Variants in TBL1XR1 observed in about 807,000 individuals in gnomAD.
TBL1XR1 encodes the protein F-box-like/WD repeat-containing protein TBL1XR1.
In TBL1XR1, 5 loss-of-function variants were observed where a neutral mutation model predicts 66.9. The ratio of observed to expected loss-of-function variants is 0.07; its 90% CI spans 0.04 to 0.16. TBL1XR1 has a LOEUF of 0.16. TBL1XR1 is among the 10% of genes least tolerant of loss of function. The pLI is 1.00. For missense variants in TBL1XR1, 238 were observed against 623.2 expected, an observed-to-expected ratio of 0.38 and a Z score of 6.58; for synonymous variants, 210 against 206.0, an observed-to-expected ratio of 1.02 and a Z score of -0.17.
intron 2 of TBL1XR1, among the ~76,000 whole-genome samples, chr3:177,084,949 A>G (rs1028420798): frequency 1.3e-5 from 2 of 152,248 alleles, no homozygotes; most frequent in Admixed American, 6.5e-5. Context: ...TTGTGGAATT[A>G]TAACTCTCTA....
At chr3:177,199,520 C>G (rs1203968495), upstream of TBL1XR1, among the ~76,000 whole-genome samples, 1 of 151,850 alleles carries the variant, frequency 6.6e-6, no homozygotes, top group East Asian at 1.9e-4. Context: ...ATTGTGCCAC[C>G]ACGGGCGGGT....
chr3:177,034,060 A>C (rs2108413148), intron 13 of TBL1XR1, 138 bp downstream of exon 13: 2 of 938,544 alleles, frequency 2.1e-6, no homozygotes, highest in East Asian at 5.2e-5. Context: ...AACCACCTAT[A>C]CACCAAAAAC....
chr3:177,181,216 G>A (rs1328182432), intron 1 of TBL1XR1, among the ~76,000 whole-genome samples: 1 of 151,956 alleles, frequency 6.6e-6, no homozygotes, highest in Admixed American at 6.6e-5. Context: ...CTGAACTGGC[G>A]CAGGTGTAAT....
At chr3:177,034,143 T>TG (rs1345879759) in intron 13 of TBL1XR1, 55 bp downstream of exon 13, 18 of 1,536,884 alleles carry the variant, frequency 1.2e-5, no homozygotes, top group Non-Finnish European at 1.5e-5. Flanking sequence ...TCATATCTAT[T>TG]GGAAGTCTGA....
intron 2 of TBL1XR1, among the ~76,000 whole-genome samples, chr3:177,076,994 G>A (rs1454475440): frequency 2.0e-5 from 3 of 152,182 alleles, no homozygotes; most frequent in African/African-American, 7.2e-5. Context: ...CTTGCTCAAC[G>A]AGCATGTCCT....
intron 1 of TBL1XR1, among the ~76,000 whole-genome samples, chr3:177,107,107 A>T (rs529902620): frequency 6.7e-6 from 1 of 150,206 alleles, no homozygotes; most frequent in Non-Finnish European, 1.5e-5. Context: ...AGGCCTCTTT[A>T]AAAAAAAAAT....
intron 14 of TBL1XR1, among the ~76,000 whole-genome samples, chr3:177,030,454 T>C (rs1713820543): frequency 6.6e-6 from 1 of 152,056 alleles, no homozygotes; most frequent in African/African-American, 2.4e-5. Flanking sequence ...GCATGATTAA[T>C]TACAATTTTA....
chr3:177,079,796 T>G (rs1311600617), intron 2 of TBL1XR1: 12 of 150,436 alleles, frequency 8.0e-5, no homozygotes, highest in Non-Finnish European at 1.5e-5. Context: ...TCACTTTATG[T>G]GTTCATTTAA....
intron 2 of TBL1XR1, among the ~76,000 whole-genome samples, chr3:177,087,460 T>C (rs1013127765): frequency 1.1e-4 from 16 of 152,082 alleles, no homozygotes; most frequent in African/African-American, 3.6e-4. Context: ...ACCTTTTTGT[T>C]TTAAAAACTC....
At chr3:177,051,826 A>T (rs1026070917) in intron 4 of TBL1XR1, 100 bp from the exon 5 acceptor site, 4 of 1,371,434 alleles carry the variant, frequency 2.9e-6, no homozygotes, top group South Asian at 1.7e-5. Context: ...CTTCGTTCCT[A>T]AAAAAACATT....
At chr3:177,034,350 CAATT>C (rs1714458565) in intron 12 of TBL1XR1, 25 bp from the exon 13 acceptor site, 1 of 1,462,230 alleles carries the variant, frequency 6.8e-7, no homozygotes, top group African/African-American at 1.5e-5. Flanking sequence ...AAAATGTATA[CAATT>C]ATTTTTCCAT....
At chr3:177,080,987 T>C (rs1721323248) in intron 2 of TBL1XR1, among the ~76,000 whole-genome samples, 1 of 152,222 alleles carries the variant, frequency 6.6e-6, no homozygotes, top group African/African-American at 2.4e-5. Flanking sequence ...CAAGAAAATC[T>C]TAGAAATCAA....
At chr3:177,096,441 A>G (rs1723499903) in intron 2 of TBL1XR1, among the ~76,000 whole-genome samples, 2 of 152,194 alleles carry the variant, frequency 1.3e-5, no homozygotes, top group South Asian at 4.1e-4. Context: ...AATTTAAAAT[A>G]TAGTCTATGA....
intron 4 of TBL1XR1, among the ~76,000 whole-genome samples, 164 bp downstream of exon 4, chr3:177,053,609 A>G (rs1260316833): frequency 2.0e-5 from 3 of 152,222 alleles, no homozygotes; most frequent in African/African-American, 7.2e-5. Flanking sequence ...CTAGGCGCCA[A>G]CACCTTGCCG....
intron 2 of TBL1XR1, among the ~76,000 whole-genome samples, chr3:177,083,796 A>T (rs891026933): frequency 6.6e-6 from 1 of 150,674 alleles, no homozygotes; most frequent in African/African-American, 2.5e-5. Flanking sequence ...TGTTTTTTTA[A>T]AGGAAAAACT....
intron 2 of TBL1XR1, among the ~76,000 whole-genome samples, chr3:177,096,570 T>C (rs1399917948): frequency 6.6e-6 from 1 of 152,168 alleles, no homozygotes; most frequent in Non-Finnish European, 1.5e-5. Context: ...CTGGTTTGAC[T>C]GCCAAGGGAG....
intron 3 of TBL1XR1, among the ~76,000 whole-genome samples, chr3:177,057,894 C>T (rs555643918): frequency 2.6e-5 from 4 of 152,066 alleles, no homozygotes; most frequent in Non-Finnish European, 4.4e-5. Context: ...GTGACAGAGA[C>T]GAGCAACGAC....
At position 177,133,876 on chromosome 3, in the gene TBL1XR1, C is replaced by CAAAAAAAAAAAA. The variant is rs541940840; in HGVS notation, c.-121-35347_-121-35336dup. Among the ~76,000 whole-genome samples the CAAAAAAAAAAAA allele has an allele frequency of 4.7e-5, 5 of 105,746 alleles. 1 individual carries two copies. The highest frequency in any genetic ancestry group is 9.6e-5 in the Non-Finnish European group (5 of 52,182). 69.4% of individuals were successfully genotyped at this position (105,746 alleles called of 152,430 possible). ...GGGCGAAAGAGTGAGACTCCTATCT[C>CAAAAAAAAAAAA]AAAAAAAAAAAAAAAAAAAGTAACA... On this transcript the variant is annotated intron_variant, in intron 1 of 15. Transcript: ENST00000457928.
rs34278942 is a variant in TBL1XR1 at position 177,171,702 on chromosome 3, C to CAAAA, written c.-122+25415_-122+25418dup. On this transcript the variant is annotated intron_variant, in intron 1 of 15. Transcript: ENST00000457928. ...TGGGCAACAGAGCCAGACTCCGTCT[C>CAAAA]AAAAAAAAAAAAAAAAAAAAAAAAA... Among the ~76,000 whole-genome samples the CAAAA allele has an allele frequency of 0.021, 997 of 47,048 alleles. 212 individuals are homozygous for CAAAA. In the East Asian group the frequency reaches 0.33, roughly 16 times the overall value. The allele number at this position is 47,048 out of a possible 152,430, so 30.9% of individuals were successfully genotyped here.
Sources: gnomAD v4.1 joint callset for allele counts (sites outside exome capture counted in the v4.1 genomes callset) on GRCh38, gnomAD v4.1.1 for gene constraint, MANE v1.5 for transcripts, NCBI Gene and HGNC (gene_info 2026-07-23, HGNC 2026-07-21) for gene names.